The following DDX52 variants were observed in gnomAD, a reference collection of about 807,000 sequenced individuals.
The protein encoded by DDX52 is DExD-box helicase 52.
A neutral mutation model predicts 76.1 loss-of-function variants in DDX52; 59 were observed. That is an observed-to-expected ratio of 0.78 (90% CI 0.63 to 0.96). The LOEUF is 0.96. Among genes scored for constraint, DDX52 ranks in the 40% least tolerant of loss-of-function variants. The pLI, the probability that DDX52 is intolerant of heterozygous loss-of-function variation, is 0.00. For missense variants in DDX52, 707 were observed against 703.9 expected, an observed-to-expected ratio of 1.00 and a Z score of -0.05; for synonymous variants, 231 against 244.1, an observed-to-expected ratio of 0.95 and a Z score of 0.50.
rs1264970751 is a variant in DDX52 at position 37,632,230 on chromosome 17, T to C, written c.486A>G (p.Thr162=). The C allele has an allele frequency of 5.0e-6, 8 of 1,614,050 alleles. No homozygotes were observed. Among genetic ancestry groups the C allele is most frequent in the Non-Finnish European group, 6.8e-6 (8 of 1,180,012 alleles). ...TATATTCCTGGTCAAGTTGCTGAAA[T>C]GTAGCAATTGGGTCAGGAAGATCGG... ...QGTDLPDPIA[T]FQQLDQEYKI... Residue 162 remains threonine (T), a synonymous_variant, in exon 4 of 15, where the codon ACA becomes ACG. Coordinates refer to ENST00000617633, the MANE Select transcript of DDX52 (RefSeq NM_007010.5).
In DDX52 at chr17:37,628,675, A is replaced by T. The variant is rs766147427; in HGVS notation, c.748-3T>A. On this transcript the variant is annotated splice_polypyrimidine_tract_variant and splice_region_variant and intron_variant, in intron 5 of 14. Transcript: ENST00000617633. ...ATTTTTATTAACTCTCTGTGAATCT[A>T]AAAAAAAAAAGATTAAAAACATTAG... 1.7e-6 allele frequency: 1 copy of T among 584,768 alleles called. No homozygotes were observed. The highest frequency in any genetic ancestry group is 4.2e-5 in the South Asian group (1 of 23,910). The allele number at this position is 584,768 out of a possible 1,614,324, so 36.2% of individuals were successfully genotyped here.
At chr17:37,614,591 G>A (rs2064403329) in intron 14 of DDX52, among the ~76,000 whole-genome samples, 1 of 152,184 alleles carries the variant, frequency 6.6e-6, no homozygotes, top group South Asian at 2.1e-4. Context: ...ACATAGGTTC[G>A]GATCCTGACC....
chr17:37,643,413 A>C lies in DDX52; in HGVS notation c.8T>G (p.Val3Gly), dbSNP rs2031297336. The C allele has an allele frequency of 6.2e-7, 1 of 1,613,930 alleles. No homozygotes were observed. Among genetic ancestry groups the C allele is most frequent in the Non-Finnish European group, 8.5e-7 (1 of 1,179,926 alleles). The part of the protein sequence containing the change: MD[V>G]HDLFRRLGAG... ...GCCGAGCCGGCGAAAGAGATCGTGG[A>C]CGTCCATCTTTACCCAGAAAGCGCC... is the stretch of plus-strand genomic sequence containing the variant. The change falls in exon 1 of 15, where the codon GTC becomes GGC. Residue 3 changes from valine (V) to glycine (G), a missense_variant. By Grantham distance (109) the Val-to-Gly change is moderately radical (BLOSUM62 -3). Coordinates refer to ENST00000617633, the MANE Select transcript of DDX52 (RefSeq NM_007010.5).
Position 37,642,235 on chromosome 17 carries a change from G to A in DDX52, c.161C>T (p.Ser54Phe), listed in dbSNP as rs2031238119. 1 of 1,613,940 alleles carries A rather than the reference G, an allele frequency of 6.2e-7. No homozygotes were observed. The highest frequency in any genetic ancestry group is 8.5e-7 in the Non-Finnish European group (1 of 1,180,024). ...QGLDFFGNKKSVPGVCGASQT... is the reference protein window; with the variant it reads ...QGLDFFGNKKFVPGVCGASQT... ...TGATGCTCCACACACACCTGGGACA[G>A]ACTTCTTGTTTCCAAAAAAGTCCAG... The change falls in exon 2 of 15, where the codon TCT (serine) becomes TTT (phenylalanine). Residue 54 changes from serine to phenylalanine, a missense_variant. By Grantham distance (155) the Ser-to-Phe change is radical. Coordinates refer to ENST00000617633, the MANE Select transcript of DDX52 (RefSeq NM_007010.5).
chr17:37,628,683 A>T lies in DDX52; in HGVS notation c.748-11T>A. The T allele has an allele frequency of 1.3e-6, 2 of 1,564,282 alleles. No individual in the cohort carries two copies. The highest frequency in any genetic ancestry group is 1.7e-6 in the Non-Finnish European group (2 of 1,154,688). ...TAACTCTCTGTGAATCTAAAAAAAA[A>T]AAGATTAAAAACATTAGCTGCTAAC... On this transcript the variant is annotated splice_polypyrimidine_tract_variant and intron_variant, in intron 5 of 14. Coordinates refer to ENST00000617633, the MANE Select transcript of DDX52 (RefSeq NM_007010.5).
In DDX52 at chr17:37,638,315, G is replaced by A. The variant is rs553826275; in HGVS notation, c.286+3795C>T. On this transcript the variant is annotated intron_variant, in intron 2 of 14. Coordinates refer to ENST00000617633, the MANE Select transcript of DDX52 (RefSeq NM_007010.5). ...AAAAAATTCTGCTAGAATTCTAATT[G>A]GGATTGCAATGATTCTGTAGATCAC... Among the ~76,000 whole-genome samples the A allele has an allele frequency of 2.0e-5, 3 of 152,294 alleles. No homozygotes were observed. In the East Asian group the frequency reaches 5.8e-4, roughly 29 times the overall value.
At chr17:37,619,093 A>C (rs1225456010) in intron 13 of DDX52, among the ~76,000 whole-genome samples, 1 of 152,214 alleles carries the variant, frequency 6.6e-6, no homozygotes, top group Non-Finnish European at 1.5e-5. Context: ...CATTTCAAGG[A>C]TAAGCCTAGG....
chr17:37,641,644 G>A (rs1224737972), intron 2 of DDX52, among the ~76,000 whole-genome samples: 1 of 152,040 alleles, frequency 6.6e-6, no homozygotes, highest in Non-Finnish European at 1.5e-5. Context: ...GGCTGAGGCA[G>A]GAGAATTGCT....
chr17:37,638,869 A>G (rs1283329632), intron 2 of DDX52, among the ~76,000 whole-genome samples: 13 of 151,312 alleles, frequency 8.6e-5, no homozygotes. Flanking sequence ...TCCTGGGTTC[A>G]AGCGATTTTC....
In DDX52 at chr17:37,610,712, A is replaced by G. The variant is rs2064325040; in HGVS notation, c.*3584T>C. 3 of 152,206 alleles carry G rather than the reference A, an allele frequency of 2.0e-5. No individual in the cohort carries two copies. The highest frequency in any genetic ancestry group is 4.4e-5 in the Non-Finnish European group (3 of 68,040). 9.4% of individuals were successfully genotyped at this position (152,206 alleles called of 1,614,324 possible). A position where few individuals can be genotyped will look rare whatever the true frequency, so the allele number is the denominator to read the frequency against. ...ATCAAGGTTAGAAACAGTTACTGTCATTTGTCCAGATCATACAGCTACAAG... is the reference window on the plus strand; with the variant it reads ...ATCAAGGTTAGAAACAGTTACTGTCGTTTGTCCAGATCATACAGCTACAAG... On this transcript the variant is annotated 3_prime_UTR_variant, in exon 15 of 15. Transcript: ENST00000617633.
At chr17:37,624,489 T>C (rs1051844347) in intron 8 of DDX52, 55 bp from the exon 9 acceptor site, 4 of 1,396,254 alleles carry the variant, frequency 2.9e-6, no homozygotes, top group African/African-American at 1.4e-5. Flanking sequence ...CTTTTTCCCC[T>C]GAACTCTAAA....
intron 6 of DDX52, 86 bp downstream of exon 6, chr17:37,628,475 T>C: frequency 8.7e-7 from 1 of 1,151,142 alleles, no homozygotes; most frequent in Non-Finnish European, 1.3e-6. Flanking sequence ...GACTATACTT[T>C]AACAACACTT....
chr17:37,635,776 C>T (rs1356797099), intron 2 of DDX52, among the ~76,000 whole-genome samples: 1 of 152,036 alleles, frequency 6.6e-6, no homozygotes, highest in African/African-American at 2.4e-5. Context: ...AAAAAAAGTC[C>T]CAAACTATTT....
At position 37,612,435 on chromosome 17, in the gene DDX52, T is replaced by C. The variant is rs1278321902; in HGVS notation, c.*1861A>G. 1.3e-5 allele frequency: 2 copies of C among 152,170 alleles called. No individual in the cohort carries two copies. The highest frequency in any genetic ancestry group is 4.8e-5 in the African/African-American group (2 of 41,428). 9.4% of individuals were successfully genotyped at this position (152,170 alleles called of 1,614,324 possible). On this transcript the variant is annotated 3_prime_UTR_variant, in exon 15 of 15. Coordinates refer to ENST00000617633, the MANE Select transcript of DDX52 (RefSeq NM_007010.5). The stretch of plus-strand genomic sequence containing the variant: ...TAAGTGTGCAGTGTTTATACAAGTC[T>C]ACATGTTCCAACTGTCTATAGCATG...
chr17:37,639,724 G>C (rs995378807), intron 2 of DDX52, among the ~76,000 whole-genome samples: 2 of 149,470 alleles, frequency 1.3e-5, no homozygotes, highest in Non-Finnish European at 3.0e-5. Flanking sequence ...CCCAGCCACA[G>C]AGTGAGACTC....
chr17:37,635,172 T>TTAGTTCTAAAACTAGCAAAGAC (rs1168469983), intron 2 of DDX52, among the ~76,000 whole-genome samples: 1 of 152,164 alleles, frequency 6.6e-6, no homozygotes, highest in African/African-American at 2.4e-5. Context: ...AATTTCTAAA[T>TTAGTTCTAAAACTAGCAAAGAC]TAGTTCTAAA....
At position 37,625,883 on chromosome 17, in the gene DDX52, A is replaced by C. The variant is rs200253582; in HGVS notation, c.1136+12T>G. ...AAAATCAGTGTGATAATGTTGAGAAACAATTAAATACCTTGCTCCAATGGA... is the reference window on the plus strand; with the variant it reads ...AAAATCAGTGTGATAATGTTGAGAACCAATTAAATACCTTGCTCCAATGGA... On this transcript the variant is annotated intron_variant, in intron 8 of 14. Transcript: ENST00000617633. 3.9e-4 allele frequency: 637 copies of C among 1,613,754 alleles called. No individual in the cohort carries two copies. The highest frequency in any genetic ancestry group is 5.2e-4 in the Non-Finnish European group (611 of 1,179,778).
chr17:37,642,046 C>T (rs2031224661), intron 2 of DDX52, 64 bp downstream of exon 2: 3 of 1,593,450 alleles, frequency 1.9e-6, no homozygotes, highest in Non-Finnish European at 2.6e-6. Flanking sequence ...AGCCATAAGC[C>T]TGTATTATTT....
intron 12 of DDX52, 179 bp downstream of exon 12, chr17:37,620,694 G>A: frequency 2.0e-6 from 1 of 498,532 alleles, no homozygotes; most frequent in Non-Finnish European, 3.4e-6. Flanking sequence ...AATAACGGAA[G>A]GGCAAAAACA....
Sources: allele counts gnomAD v4.1 joint callset (sites outside exome capture counted in the v4.1 genomes callset), GRCh38; gene constraint gnomAD v4.1.1; transcripts MANE v1.5; gene names NCBI Gene and HGNC (gene_info 2026-07-23, HGNC 2026-07-21).